RBFOX1: variants seen among roughly 807,000 people sequenced by gnomAD.
RBFOX1 encodes the protein RNA binding protein fox-1 homolog 1.
Under a neutral mutation model 57.7 loss-of-function variants are expected in RBFOX1, and 8 were observed. The observed-to-expected ratio is 0.14, with a 90% CI of 0.08 to 0.25. The LOEUF (loss-of-function observed/expected upper bound fraction) is 0.25, where lower values mean the gene tolerates loss of function less well. RBFOX1 is among the 10% of genes least tolerant of loss of function. The probability of loss-of-function intolerance (pLI) is 1.00; values close to 1 mark genes in which losing one functional copy is unlikely to be tolerated. For missense variants in RBFOX1, 611 were observed against 548.5 expected, an observed-to-expected ratio of 1.11 and a Z score of -1.14; for synonymous variants, 326 against 222.4, an observed-to-expected ratio of 1.47 and a Z score of -4.15.
intron 3 of RBFOX1, among the ~76,000 whole-genome samples, chr16:6,996,189 G>A (rs1455625872): frequency 6.6e-6 from 1 of 152,122 alleles, no homozygotes; most frequent in Admixed American, 6.5e-5. Flanking sequence ...ATAAATCATT[G>A]CCTTTTTGAT....
At chr16:6,771,806 G>A (rs2078342362) in intron 3 of RBFOX1, among the ~76,000 whole-genome samples, 1 of 152,118 alleles carries the variant, frequency 6.6e-6, no homozygotes, top group Admixed American at 6.5e-5. Flanking sequence ...AGCCTAAAGT[G>A]GCAATTGTAC....
intron 7 of RBFOX1, among the ~76,000 whole-genome samples, chr16:7,589,466 G>A (rs1203900367): frequency 6.6e-6 from 1 of 151,816 alleles, no homozygotes; most frequent in Admixed American, 6.6e-5. Context: ...TAAGTTTGCT[G>A]CATCCAGAGC....
chr16:6,058,643 C>G lies in RBFOX1; in HGVS notation c.-127+38651C>G, dbSNP rs111984405. ...CCATCCATCTACCCACCCATCCACC[C>G]ATCCATCCACCCATCCATCCATCCA... On this transcript the variant is annotated intron_variant, in intron 1 of 15. Transcript: ENST00000550418. Among the ~76,000 whole-genome samples the G allele has an allele frequency of 2.8e-5, 4 of 143,510 alleles. No homozygotes were observed. The Admixed American group carries it at 2.8e-4, about 10-fold the overall frequency. The allele number at this position is 143,510 out of a possible 152,430, so 94.1% of individuals were successfully genotyped here. A position where few individuals can be genotyped will look rare whatever the true frequency, so the allele number is the denominator to read the frequency against.
chr16:7,493,841 CAAT>C (rs1376010773), intron 4 of RBFOX1, among the ~76,000 whole-genome samples: 3 of 152,156 alleles, frequency 2.0e-5, no homozygotes, highest in Admixed American at 1.3e-4. Flanking sequence ...GTTATAACAA[CAAT>C]AGAACGCTGA....
chr16:6,006,339 T>C (rs2094927023), intron 4 of RBFOX1, among the ~76,000 whole-genome samples: 1 of 149,600 alleles, frequency 6.7e-6, no homozygotes, highest in South Asian at 2.1e-4. Context: ...GACCAGTGAG[T>C]GCACACACAA....
intron 3 of RBFOX1, among the ~76,000 whole-genome samples, chr16:5,608,636 T>A (rs2047670887): frequency 6.6e-6 from 1 of 152,220 alleles, no homozygotes; most frequent in African/African-American, 2.4e-5. Flanking sequence ...ATTATTATTA[T>A]TGATTATTTC....
chr16:6,510,738 A>C (rs910559569), intron 2 of RBFOX1, among the ~76,000 whole-genome samples: 1 of 151,958 alleles, frequency 6.6e-6, no homozygotes, highest in African/African-American at 2.4e-5. Flanking sequence ...GAGAAATCTC[A>C]GCTTAATTGT....
At chr16:7,296,304 T>C (rs1392532982) in intron 4 of RBFOX1, among the ~76,000 whole-genome samples, 1 of 152,022 alleles carries the variant, frequency 6.6e-6, no homozygotes, top group Non-Finnish European at 1.5e-5. Flanking sequence ...GCTGTTTCTT[T>C]TATTAAATGC....
At chr16:6,709,308 A>C (rs2063328330) in intron 3 of RBFOX1, among the ~76,000 whole-genome samples, 1 of 152,176 alleles carries the variant, frequency 6.6e-6, no homozygotes, top group African/African-American at 2.4e-5. Context: ...AAAGGCAAGG[A>C]GCTAAATTCT....
intron 1 of RBFOX1, among the ~76,000 whole-genome samples, chr16:5,438,612 A>G (rs1238285099): frequency 6.6e-6 from 1 of 152,058 alleles, no homozygotes; most frequent in African/African-American, 2.4e-5. Flanking sequence ...TCTAGACCAC[A>G]CGGGTTTCAC....
At chr16:6,843,455 G>A (rs889492760) in intron 3 of RBFOX1, among the ~76,000 whole-genome samples, 2 of 152,130 alleles carry the variant, frequency 1.3e-5, no homozygotes, top group African/African-American at 4.8e-5. Flanking sequence ...TTGGGAGGCT[G>A]AGGCGGGCAG....
At chr16:5,711,541 T>C (rs1328649937) in intron 3 of RBFOX1, among the ~76,000 whole-genome samples, 1 of 152,046 alleles carries the variant, frequency 6.6e-6, no homozygotes, top group Non-Finnish European at 1.5e-5. Context: ...GGTAACGAAA[T>C]AAAGAGCATT....
intron 3 of RBFOX1, among the ~76,000 whole-genome samples, chr16:6,957,036 C>T (rs1473531399): frequency 6.6e-6 from 1 of 151,356 alleles, no homozygotes; most frequent in Non-Finnish European, 1.5e-5. Flanking sequence ...AAAGAATAGG[C>T]ATATTCCATC....
intron 1 of RBFOX1, among the ~76,000 whole-genome samples, chr16:6,066,972 A>C (rs2095773040): frequency 6.6e-6 from 1 of 151,632 alleles, no homozygotes; most frequent in South Asian, 2.1e-4. Flanking sequence ...GGGGCGGGGG[A>C]GGGCGGCAGG....
chr16:6,725,883 A>G (rs1176709688), intron 3 of RBFOX1, among the ~76,000 whole-genome samples: 1 of 152,158 alleles, frequency 6.6e-6, no homozygotes, highest in Non-Finnish European at 1.5e-5. Context: ...TTTATCAGAG[A>G]TGATACTTGG....
chr16:7,423,384 A>T (rs2098564566), intron 4 of RBFOX1, among the ~76,000 whole-genome samples: 1 of 152,004 alleles, frequency 6.6e-6, no homozygotes. Context: ...GGCAGGGGAG[A>T]TAATGACTGG....
intron 4 of RBFOX1, among the ~76,000 whole-genome samples, chr16:6,000,174 T>A (rs953672145): frequency 6.6e-6 from 1 of 152,152 alleles, no homozygotes; most frequent in East Asian, 1.9e-4. Context: ...TTACAGGATG[T>A]GTTTTCTGGC....
chr16:5,381,436 G>A (rs183009039), intron 1 of RBFOX1, among the ~76,000 whole-genome samples: 5 of 152,326 alleles, frequency 3.3e-5, no homozygotes, highest in Admixed American at 2.0e-4. Context: ...TCTGGCTCAC[G>A]TGCAGATTTG....
chr16:5,463,820 TAAA>T (rs200380053), intron 1 of RBFOX1, among the ~76,000 whole-genome samples: 1 of 141,868 alleles, frequency 7.0e-6, no homozygotes, highest in Non-Finnish European at 1.5e-5. Context: ...AAAGAAATAA[TAAA>T]AAAAAATCCA....
Sources: allele counts gnomAD v4.1 joint callset (sites outside exome capture counted in the v4.1 genomes callset), GRCh38; gene constraint gnomAD v4.1.1; transcripts MANE v1.5; gene names NCBI Gene and HGNC (gene_info 2026-07-23, HGNC 2026-07-21).